ALDH1A3: variants seen among roughly 807,000 people sequenced by gnomAD.
The protein encoded by ALDH1A3 is retinaldehyde dehydrogenase 3.
ALDH1A3 carries 28 observed loss-of-function variants against 57.5 expected under a neutral mutation model. That is an observed-to-expected ratio of 0.49 (90% CI 0.36 to 0.67). The LOEUF (loss-of-function observed/expected upper bound fraction) is 0.67, where lower values mean the gene tolerates loss of function less well. Ranked by LOEUF, ALDH1A3 falls within the 30% of genes least tolerant of loss-of-function variation. The pLI is 0.00. For synonymous variants in ALDH1A3, 281 were observed against 264.8 expected, an observed-to-expected ratio of 1.06 and a Z score of -0.59; for missense variants, 507 against 669.4, an observed-to-expected ratio of 0.76 and a Z score of 2.68.
At chr15:100,903,963 A>T (rs2041796709) in intron 9 of ALDH1A3, among the ~76,000 whole-genome samples, 1 of 152,066 alleles carries the variant, frequency 6.6e-6, no homozygotes, top group Non-Finnish European at 1.5e-5. Context: ...CTTTGTTATG[A>T]TAATTTTGCC....
intron 7 of ALDH1A3, 39 bp downstream of exon 7, chr15:100,896,085 G>A (rs766835410): frequency 2.0e-6 from 3 of 1,508,688 alleles, no homozygotes; most frequent in Non-Finnish European, 2.7e-6. Context: ...AGTGAAAGGG[G>A]CGTGTTATTT....
In ALDH1A3 at chr15:100,887,741, G is replaced by C; in HGVS notation, c.345+29G>C. 1 of 1,557,172 alleles carries C rather than the reference G, an allele frequency of 6.4e-7. No individual in the cohort carries two copies. Among genetic ancestry groups the C allele is most frequent in the Non-Finnish European group, 8.7e-7 (1 of 1,147,618 alleles). Reference sequence around the variant, plus strand: ...AGTACATGCACTTGGGGGCCGGTGGGGGATGAGCCAGCCTCACTGAGGGTC... The same window carrying C: ...AGTACATGCACTTGGGGGCCGGTGGCGGATGAGCCAGCCTCACTGAGGGTC... On this transcript the variant is annotated intron_variant, in intron 3 of 12. Coordinates refer to ENST00000329841, the MANE Select transcript of ALDH1A3 (RefSeq NM_000693.4). This position sits in a 1 kb window ranked among gnomAD's most constrained non-coding sequence, Gnocchi z 4.6.
Position 100,906,006 on chromosome 15 carries a change from G to A in ALDH1A3, c.1233+319G>A, listed in dbSNP as rs941673745. Among the ~76,000 whole-genome samples the A allele has an allele frequency of 6.6e-6, 1 of 152,126 alleles. No homozygotes were observed. The highest frequency in any genetic ancestry group is 1.5e-5 in the Non-Finnish European group (1 of 68,032). On this transcript the variant is annotated intron_variant, in intron 10 of 12. Transcript: ENST00000329841. This position sits in a 1 kb window ranked among gnomAD's most constrained non-coding sequence, Gnocchi z 4.8. ...ATTTTCTAACACAACCGGTCCCCGA[G>A]TCAGTCATGCAGCCGCAGGTGGAGA...
rs193123385 is a variant in ALDH1A3 at position 100,906,498 on chromosome 15, A to G, written c.1234-623A>G. ...AGAGGTCCTGGGGAACCCGGAAGGT[A>G]TTTTGGCAGGCCAGGCACCATCCTG... On this transcript the variant is annotated intron_variant, in intron 10 of 12. Coordinates refer to ENST00000329841, the MANE Select transcript of ALDH1A3 (RefSeq NM_000693.4). The surrounding 1 kb of genome is among the most constrained non-coding windows in gnomAD (Gnocchi z 4.8). 6.6e-6 allele frequency among the ~76,000 whole-genome samples: 1 copy of G among 152,338 alleles called. No homozygotes were observed. The highest frequency in any genetic ancestry group is 1.5e-5 in the Non-Finnish European group (1 of 68,030).
At position 100,887,764 on chromosome 15, in the gene ALDH1A3, G is replaced by T. The variant is rs755841172; in HGVS notation, c.345+52G>T. 2.6e-6 allele frequency: 4 copies of T among 1,527,170 alleles called. No individual in the cohort carries two copies. The highest frequency in any genetic ancestry group is 3.5e-6 in the Non-Finnish European group (4 of 1,132,352). 94.6% of individuals were successfully genotyped at this position (1,527,170 alleles called of 1,614,324 possible). A position where few individuals can be genotyped will look rare whatever the true frequency, so the allele number is the denominator to read the frequency against. ...GGGGGATGAGCCAGCCTCACTGAGG[G>T]TCCTGTCCACCATGGGGTATGGGAA... On this transcript the variant is annotated intron_variant, in intron 3 of 12. Transcript: ENST00000329841. The surrounding 1 kb of genome is among the most constrained non-coding windows in gnomAD (Gnocchi z 4.6).
rs771826594 is a variant in ALDH1A3, at chr15:100,895,925, C to T, written c.667-8C>T. On this transcript the variant is annotated splice_region_variant and splice_polypyrimidine_tract_variant and intron_variant, in intron 6 of 12. Coordinates refer to ENST00000329841, the MANE Select transcript of ALDH1A3 (RefSeq NM_000693.4). ...TCTTCTTCAAGTGCTATCTTGATTT[C>T]TTCCCAGGCCGGGTTCCCTCCAGGA... The T allele has an allele frequency of 3.1e-6, 5 of 1,608,048 alleles. No individual in the cohort carries two copies. The African/African-American group carries it at 6.7e-5, about 22-fold the overall frequency.
rs760740819 is a variant in ALDH1A3, at chr15:100,894,106, T to C, written c.666+24T>C. The C allele has an allele frequency of 1.9e-6, 3 of 1,612,370 alleles. No individual in the cohort carries two copies. Among genetic ancestry groups the C allele is most frequent in the East Asian group, 2.2e-5 (1 of 44,858 alleles). On this transcript the variant is annotated intron_variant, in intron 6 of 12. Coordinates refer to ENST00000329841, the MANE Select transcript of ALDH1A3 (RefSeq NM_000693.4). This position sits in a 1 kb window ranked among gnomAD's most constrained non-coding sequence, Gnocchi z 4.5. The stretch of plus-strand genomic sequence containing the variant: ...AGGTGAGACATCCAAAAAGAAAATA[T>C]CACATGTTCTTGGTAACATTCCCAC...
chr15:100,883,650 T>G (rs201379152), intron 1 of ALDH1A3, among the ~76,000 whole-genome samples: 5,912 of 89,026 alleles, frequency 0.066, 184 homozygotes, highest in African/African-American at 0.17. Flanking sequence ...TTTTGTGGGT[T>G]TTTTTTTTTT....
rs1414303011 is a variant in ALDH1A3, at chr15:100,887,749, C to T, written c.345+37C>T. On this transcript the variant is annotated intron_variant, in intron 3 of 12. Transcript: ENST00000329841. This position sits in a 1 kb window ranked among gnomAD's most constrained non-coding sequence, Gnocchi z 4.6. ...CACTTGGGGGCCGGTGGGGGATGAG[C>T]CAGCCTCACTGAGGGTCCTGTCCAC... The T allele has an allele frequency of 1.9e-6, 3 of 1,546,522 alleles. No individual in the cohort carries two copies. The highest frequency in any genetic ancestry group is 3.8e-5 in the Admixed American group (2 of 53,294).
chr15:100,897,245 T>C (rs535890937), intron 7 of ALDH1A3, among the ~76,000 whole-genome samples: 16 of 152,340 alleles, frequency 1.1e-4, no homozygotes, highest in African/African-American at 1.9e-4. Flanking sequence ...ACCTTAGCAT[T>C]GGAGAAAACA....
chr15:100,896,141 TTTCTTCTAAA>T, intron 7 of ALDH1A3, 95 bp downstream of exon 7: 1 of 1,045,964 alleles, frequency 9.6e-7, no homozygotes, highest in South Asian at 1.4e-5. Flanking sequence ...ATGATTTGTT[TTTCTTCTAAA>T]TTTGACCATG....
intron 9 of ALDH1A3, among the ~76,000 whole-genome samples, chr15:100,905,109 T>C (rs1417336492): frequency 1.3e-5 from 2 of 152,226 alleles, no homozygotes; most frequent in Admixed American, 1.3e-4. Context: ...AAAAAAATTA[T>C]GTGTCATTTT....
intron 1 of ALDH1A3, among the ~76,000 whole-genome samples, chr15:100,883,459 T>C (rs188858543): frequency 7.2e-5 from 11 of 152,334 alleles, no homozygotes; most frequent in East Asian, 1.9e-4. Context: ...TGGCCTCACA[T>C]TGGAGACGCT....
At position 100,908,465 on chromosome 15, in the gene ALDH1A3, A is replaced by G; in HGVS notation, c.1449A>G (p.Ser483=). Residue 483 remains serine, a synonymous_variant, in exon 12 of 13, where the codon TCA becomes TCG. Transcript: ENST00000329841. The part of the protein sequence containing the change: ...AQAPFGGFKM[S]GNGRELGEYA... Reference sequence around the variant, plus strand: ...CTCCATTTGGTGGCTTTAAAATGTCAGGAAATGGCAGAGAACTGTAAGTGT... The same window carrying G: ...CTCCATTTGGTGGCTTTAAAATGTCGGGAAATGGCAGAGAACTGTAAGTGT... 6.2e-7 allele frequency: 1 copy of G among 1,613,058 alleles called. No individual in the cohort carries two copies. Among genetic ancestry groups the G allele is most frequent in the Non-Finnish European group, 8.5e-7 (1 of 1,179,044 alleles).
intron 9 of ALDH1A3, among the ~76,000 whole-genome samples, chr15:100,904,763 C>T (rs940361051): frequency 2.0e-5 from 3 of 152,308 alleles, no homozygotes; most frequent in South Asian, 2.1e-4. Context: ...ACAGGGCAAA[C>T]TCCAGCCAAG....
rs534567367 is a variant in ALDH1A3, at chr15:100,887,802, T to C, written c.345+90T>C. 8.6e-5 allele frequency: 125 copies of C among 1,452,832 alleles called. 1 individual carries two copies. In the African/African-American group the frequency reaches 1.6e-3, roughly 19 times the overall value. 90.0% of individuals were successfully genotyped at this position (1,452,832 alleles called of 1,614,324 possible). ...TGGGGTATGGGAAAAAAGATCACGG[T>C]CCTGGTTTTGTGTGGTCGTGGGTCT... On this transcript the variant is annotated intron_variant, in intron 3 of 12. Transcript: ENST00000329841. The surrounding 1 kb of genome is among the most constrained non-coding windows in gnomAD (Gnocchi z 4.6).
chr15:100,895,897 C>T (rs750766075), intron 6 of ALDH1A3, 36 bp from the exon 7 acceptor site: 4 of 1,542,620 alleles, frequency 2.6e-6, no homozygotes, highest in South Asian at 2.3e-5. Flanking sequence ...GGATGAAGTC[C>T]GTTCTTCTTC....
In ALDH1A3 at chr15:100,904,831, C is replaced by A. The variant is rs187339109; in HGVS notation, c.1069-692C>A. 2.2e-3 allele frequency among the ~76,000 whole-genome samples: 339 copies of A among 152,312 alleles called. 2 individuals carry two copies. The highest frequency in any genetic ancestry group is 7.8e-3 in the African/African-American group (325 of 41,570). ...TCTTTCTCATGAGCTGTTCCCACCA[C>A]CAACCAAGGAGCAGCCCTGCCACCC... On this transcript the variant is annotated intron_variant, in intron 9 of 12. Transcript: ENST00000329841.
chr15:100,905,461 C>G, intron 9 of ALDH1A3, 62 bp from the exon 10 acceptor site: 1 of 1,604,802 alleles, frequency 6.2e-7, no homozygotes. Flanking sequence ...CCACTGAAAA[C>G]ATGAGATGGC....
Sources: allele counts gnomAD v4.1 joint callset (sites outside exome capture counted in the v4.1 genomes callset), GRCh38; gene constraint gnomAD v4.1.1; non-coding constraint Gnocchi (gnomAD v3.1); transcripts MANE v1.5; gene names NCBI Gene and HGNC (gene_info 2026-07-23, HGNC 2026-07-21).